KCNIP4: variants seen among roughly 807,000 people sequenced by gnomAD.
KCNIP4 encodes Kv channel-interacting protein 4.
Under a neutral mutation model 34.0 loss-of-function variants are expected in KCNIP4, and 12 were observed. That is an observed-to-expected ratio of 0.35 (90% CI 0.23 to 0.57). The LOEUF is 0.57. Ranked by LOEUF, KCNIP4 falls within the 20% of genes least tolerant of loss-of-function variation. The pLI, the probability that KCNIP4 is intolerant of heterozygous loss-of-function variation, is 0.83. For missense variants in KCNIP4, 238 were observed against 311.7 expected (o/e 0.76, Z 1.78); for synonymous variants, 124 against 102.2 (o/e 1.21, Z -1.29).
intron 1 of KCNIP4, among the ~76,000 whole-genome samples, chr4:20,886,685 A>C (rs1187303588): frequency 1.3e-5 from 2 of 152,202 alleles, no homozygotes; most frequent in Non-Finnish European, 2.9e-5. Context: ...CTTTGGGAGT[A>C]AGGATAATTT....
intron 1 of KCNIP4, among the ~76,000 whole-genome samples, chr4:21,514,851 T>C (rs1734627061): frequency 6.6e-6 from 1 of 152,220 alleles, no homozygotes; most frequent in South Asian, 2.1e-4. Flanking sequence ...TATCTAAGCC[T>C]GATGTATTCA....
intron 1 of KCNIP4, among the ~76,000 whole-genome samples, chr4:21,447,436 T>C (rs931408607): frequency 6.6e-6 from 1 of 152,188 alleles, no homozygotes; most frequent in African/African-American, 2.4e-5. Context: ...AATAAATTTC[T>C]GTTGTTTTAA....
chr4:21,327,860 G>A (rs759178987), intron 1 of KCNIP4, among the ~76,000 whole-genome samples: 4 of 151,846 alleles, frequency 2.6e-5, no homozygotes, highest in Non-Finnish European at 4.4e-5. Context: ...TCTTTAGTAT[G>A]TCAATTGCAT....
At chr4:21,352,420 C>T (rs1024892485) in intron 1 of KCNIP4, among the ~76,000 whole-genome samples, 6 of 152,224 alleles carry the variant, frequency 3.9e-5, no homozygotes, top group African/African-American at 1.4e-4. Context: ...GACACTCTCA[C>T]CCAAATACTG....
intron 1 of KCNIP4, among the ~76,000 whole-genome samples, chr4:21,551,476 T>C (rs1738580085): frequency 6.6e-6 from 1 of 152,140 alleles, no homozygotes; most frequent in South Asian, 2.1e-4. Flanking sequence ...TTGAAGTTGC[T>C]ACAGTTCATA....
chr4:21,090,236 T>C (rs1287157804), intron 1 of KCNIP4, among the ~76,000 whole-genome samples: 3 of 152,206 alleles, frequency 2.0e-5, no homozygotes, highest in African/African-American at 4.8e-5. Context: ...TTGCTTCCAC[T>C]GAACTTTGAG....
At chr4:21,321,171 GTTAT>G (rs1173037981) in intron 1 of KCNIP4, among the ~76,000 whole-genome samples, 1 of 152,086 alleles carries the variant, frequency 6.6e-6, no homozygotes, top group Non-Finnish European at 1.5e-5. Context: ...CCATACTATG[GTTAT>G]TTGTTATGAA....
chr4:21,396,622 G>A (rs1441137458), intron 1 of KCNIP4, among the ~76,000 whole-genome samples: 4 of 148,628 alleles, frequency 2.7e-5, no homozygotes, highest in Admixed American at 6.7e-5. Flanking sequence ...TAGAGAGATA[G>A]TTCAGGATGG....
intron 1 of KCNIP4, among the ~76,000 whole-genome samples, chr4:21,275,954 T>G (rs754662666): frequency 3.3e-5 from 5 of 152,120 alleles, no homozygotes; most frequent in Non-Finnish European, 4.4e-5. Flanking sequence ...GCTGATGAGT[T>G]ATAAAAGAAT....
At chr4:21,368,873 A>G (rs1720059585) in intron 1 of KCNIP4, among the ~76,000 whole-genome samples, 1 of 147,504 alleles carries the variant, frequency 6.8e-6, no homozygotes, top group African/African-American at 2.7e-5. Flanking sequence ...ATACAGGTGA[A>G]AGAATAACAG....
At chr4:21,757,198 G>GGAAGGAAGGAAGGAAA (rs1717665936) in intron 1 of KCNIP4, among the ~76,000 whole-genome samples, 1 of 39,566 alleles carries the variant, frequency 2.5e-5, no homozygotes, top group East Asian at 5.4e-4. Flanking sequence ...AAGGAAGGAA[G>GGAAGGAAGGAAGGAAA]GAAAGAAAGA....
At chr4:20,876,628 G>A (rs1724071036) in intron 2 of KCNIP4, among the ~76,000 whole-genome samples, 1 of 152,026 alleles carries the variant, frequency 6.6e-6, no homozygotes, top group Non-Finnish European at 1.5e-5. Flanking sequence ...TAGTGCAGTG[G>A]CACGATCTCA....
intron 3 of KCNIP4, among the ~76,000 whole-genome samples, chr4:20,831,440 G>A (rs10031791): frequency 0.063 from 9,558 of 152,100 alleles, 402 homozygotes; most frequent in African/African-American, 0.12. Flanking sequence ...CAATGTAGGG[G>A]CTCTTCAGGA....
At chr4:20,788,476 C>T (rs1257175983) in intron 3 of KCNIP4, among the ~76,000 whole-genome samples, 1 of 152,120 alleles carries the variant, frequency 6.6e-6, no homozygotes, top group East Asian at 1.9e-4. Context: ...AGAAGAAGAG[C>T]AGAGAACACA....
At chr4:21,718,975 A>G (rs1317639046) in intron 1 of KCNIP4, 1 of 152,202 alleles carries the variant, frequency 6.6e-6, no homozygotes, top group African/African-American at 2.4e-5. Flanking sequence ...TGTGCACTGC[A>G]TTTGTCATTT....
At chr4:21,609,144 AG>A (rs1232531774) in intron 1 of KCNIP4, among the ~76,000 whole-genome samples, 2 of 152,214 alleles carry the variant, frequency 1.3e-5, no homozygotes, top group Non-Finnish European at 2.9e-5. Flanking sequence ...GAAGTTTAAT[AG>A]GAAGAACAGG....
intron 1 of KCNIP4, among the ~76,000 whole-genome samples, chr4:21,647,820 C>A (rs1400918577): frequency 6.7e-6 from 1 of 149,382 alleles, no homozygotes; most frequent in African/African-American, 2.5e-5. Flanking sequence ...TCACCACAGG[C>A]TCCTCAGGCC....
intron 3 of KCNIP4, among the ~76,000 whole-genome samples, chr4:20,810,393 T>C (rs990721070): frequency 6.7e-6 from 1 of 149,046 alleles, no homozygotes; most frequent in Non-Finnish European, 1.5e-5. Flanking sequence ...AGTGGGTTTA[T>C]TTGTCTGAGT....
intron 1 of KCNIP4, among the ~76,000 whole-genome samples, chr4:21,563,255 C>T (rs1025095846): frequency 1.3e-5 from 2 of 151,976 alleles, no homozygotes; most frequent in Non-Finnish European, 2.9e-5. Context: ...AAATGGTTTC[C>T]TTCAACTTAA....
Sources: gnomAD v4.1 joint callset for allele counts (sites outside exome capture counted in the v4.1 genomes callset) on GRCh38, gnomAD v4.1.1 for gene constraint, MANE v1.5 for transcripts, NCBI Gene and HGNC (gene_info 2026-07-23, HGNC 2026-07-21) for gene names.